Variants in NBEA observed in about 807,000 individuals in gnomAD.
The protein encoded by NBEA is neurobeachin, also known as lysosomal-trafficking regulator 2.
Under a neutral mutation model 343.4 loss-of-function variants are expected in NBEA, and 44 were observed. That is an observed-to-expected ratio of 0.13 (90% CI 0.10 to 0.16). NBEA has a LOEUF of 0.16. Ranked by LOEUF, NBEA falls within the 10% of genes least tolerant of loss-of-function variation. The pLI, the probability that NBEA is intolerant of heterozygous loss-of-function variation, is 1.00. For missense variants in NBEA, 2,555 were observed against 3,631.3 expected, an observed-to-expected ratio of 0.70 and a Z score of 7.62; for synonymous variants, 1,175 against 1,238.7, an observed-to-expected ratio of 0.95 and a Z score of 1.08.
chr13:35,377,815 C>T (rs576303023), intron 38 of NBEA, among the ~76,000 whole-genome samples: 2 of 152,214 alleles, frequency 1.3e-5, no homozygotes, highest in East Asian at 3.9e-4. Context: ...CCCTGTTATC[C>T]CTGTCTCTCA....
chr13:35,561,596 C>T (rs1274543427), intron 44 of NBEA, among the ~76,000 whole-genome samples: 2 of 151,944 alleles, frequency 1.3e-5, no homozygotes, highest in Non-Finnish European at 2.9e-5. Flanking sequence ...TTTTATGACC[C>T]ATTTCTTAAA....
intron 38 of NBEA, among the ~76,000 whole-genome samples, chr13:35,403,520 A>C (rs1480739074): frequency 1.3e-5 from 2 of 152,112 alleles, no homozygotes; most frequent in Non-Finnish European, 2.9e-5. Context: ...TTCCCTATTT[A>C]ATAAATGGTG....
In NBEA at chr13:35,476,082, T is replaced by G. The variant is rs1265216431; in HGVS notation, c.6585+3546T>G. On this transcript the variant is annotated intron_variant, in intron 41 of 58. Coordinates refer to ENST00000379939, the MANE Select transcript of NBEA (RefSeq NM_001385012.1). ...CAATGGCAGCTTTCCTGGCTTGGCA[T>G]TTTTCGTTGTAGTATTTATTCAGAT... 5 of 1,614,074 alleles carry G rather than the reference T, an allele frequency of 3.1e-6. No homozygotes were observed. The African/African-American group carries it at 5.3e-5, about 17-fold the overall frequency.
chr13:35,084,274 T>A (rs996498496), intron 10 of NBEA, among the ~76,000 whole-genome samples: 2 of 152,170 alleles, frequency 1.3e-5, no homozygotes, highest in African/African-American at 4.8e-5. Context: ...AGACTATACA[T>A]TCTTTTCAGC....
intron 46 of NBEA, 198 bp from the exon 47 acceptor site, chr13:35,593,130 G>C: frequency 2.3e-6 from 1 of 434,882 alleles, no homozygotes; most frequent in Non-Finnish European, 4.1e-6. Flanking sequence ...ACCTGCCAGA[G>C]TTGCAGACTG....
intron 41 of NBEA, among the ~76,000 whole-genome samples, chr13:35,503,554 C>G (rs1033725376): frequency 6.6e-6 from 1 of 151,832 alleles, no homozygotes; most frequent in Admixed American, 6.6e-5. Context: ...GATATTTTCT[C>G]TATTTTAAAT....
chr13:34,948,733 T>A (rs981937527), intron 1 of NBEA, among the ~76,000 whole-genome samples: 20 of 152,142 alleles, frequency 1.3e-4, no homozygotes, highest in African/African-American at 4.1e-4. Flanking sequence ...CTGTTTAAAT[T>A]GTCACCTGTG....
At chr13:35,561,857 G>GT (rs1322425524) in intron 44 of NBEA, among the ~76,000 whole-genome samples, 1 of 151,878 alleles carries the variant, frequency 6.6e-6, no homozygotes, top group African/African-American at 2.4e-5. Context: ...TCCCGGAAAC[G>GT]TATTTAAAAG....
intron 35 of NBEA, among the ~76,000 whole-genome samples, chr13:35,299,784 A>G (rs1455256171): frequency 6.6e-6 from 1 of 152,246 alleles, no homozygotes; most frequent in Non-Finnish European, 1.5e-5. Flanking sequence ...ATAAGACTTT[A>G]AAATATACCT....
intron 18 of NBEA, among the ~76,000 whole-genome samples, chr13:35,143,775 A>T (rs1297659838): frequency 6.6e-6 from 1 of 152,150 alleles, no homozygotes; most frequent in East Asian, 1.9e-4. Flanking sequence ...GGGCTGAGGC[A>T]GGAGGACTGC....
chr13:35,051,762 T>C (rs998785773), intron 6 of NBEA, among the ~76,000 whole-genome samples: 2 of 152,032 alleles, frequency 1.3e-5, no homozygotes, highest in Non-Finnish European at 2.9e-5. Context: ...ATTTTGAATT[T>C]CAGTGGAATA....
chr13:35,071,980 G>A (rs1450125177), intron 10 of NBEA, among the ~76,000 whole-genome samples: 1 of 152,062 alleles, frequency 6.6e-6, no homozygotes. Context: ...AAGCTTTGAA[G>A]TGAAAAGGAA....
intron 1 of NBEA, among the ~76,000 whole-genome samples, chr13:35,022,773 C>T (rs73491540): frequency 0.043 from 6,498 of 152,042 alleles, 245 homozygotes; most frequent in African/African-American, 0.097. Context: ...TAATGTATGC[C>T]AACCTCAGTT....
chr13:35,187,141 A>G (rs921581257), intron 30 of NBEA, among the ~76,000 whole-genome samples: 11 of 151,912 alleles, frequency 7.2e-5, no homozygotes, highest in African/African-American at 2.4e-4. Context: ...TCAGCGAATG[A>G]TGGATTTAGG....
chr13:34,980,010 T>C lies in NBEA; in HGVS notation c.294+36896T>C, dbSNP rs1463740588. Among the ~76,000 whole-genome samples the C allele has an allele frequency of 2.6e-5, 4 of 152,208 alleles. No homozygotes were observed. The East Asian group carries it at 7.7e-4, about 29-fold the overall frequency. Reference sequence around the variant, plus strand: ...TGTAGTACCTTTGAAGAAAGTTGAATGATGTGTAAGTATGAGTCTTTCTTG... The same window carrying C: ...TGTAGTACCTTTGAAGAAAGTTGAACGATGTGTAAGTATGAGTCTTTCTTG... On this transcript the variant is annotated intron_variant, in intron 1 of 58. Coordinates refer to ENST00000379939, the MANE Select transcript of NBEA (RefSeq NM_001385012.1).
At chr13:35,025,629 C>T (rs752548759) in intron 1 of NBEA, among the ~76,000 whole-genome samples, 1 of 151,706 alleles carries the variant, frequency 6.6e-6, no homozygotes, top group African/African-American at 2.4e-5. Flanking sequence ...ATGCCTGTGA[C>T]GTCTTTGTTT....
chr13:35,125,325 C>T (rs571719152), intron 17 of NBEA, among the ~76,000 whole-genome samples: 1 of 152,050 alleles, frequency 6.6e-6, no homozygotes, highest in Non-Finnish European at 1.5e-5. Flanking sequence ...AGAGAGTTCA[C>T]TTATAGCAAA....
chr13:35,127,971 T>C (rs1349709766), intron 17 of NBEA, among the ~76,000 whole-genome samples: 2 of 150,864 alleles, frequency 1.3e-5, no homozygotes, highest in Non-Finnish European at 3.0e-5. Context: ...TTGATCACAG[T>C]AATGAAACCC....
At chr13:34,955,696 A>G (rs1240584277) in intron 1 of NBEA, among the ~76,000 whole-genome samples, 1 of 152,212 alleles carries the variant, frequency 6.6e-6, no homozygotes, top group East Asian at 1.9e-4. Flanking sequence ...TTTTGTAGAA[A>G]TCATTTTTTT....
Sources: gnomAD v4.1 joint callset for allele counts (sites outside exome capture counted in the v4.1 genomes callset) on GRCh38, gnomAD v4.1.1 for gene constraint, MANE v1.5 for transcripts, NCBI Gene and HGNC (gene_info 2026-07-23, HGNC 2026-07-21) for gene names.